Variants in PPM1B observed in about 807,000 individuals in gnomAD.
PPM1B encodes the protein protein phosphatase 1B.
PPM1B carries 22 observed loss-of-function variants against 43.0 expected under a neutral mutation model. That is an observed-to-expected ratio of 0.51 (90% CI 0.37 to 0.73). The LOEUF (loss-of-function observed/expected upper bound fraction) is 0.73, where lower values mean the gene tolerates loss of function less well. Among genes scored for constraint, PPM1B ranks in the 30% least tolerant of loss-of-function variants. The pLI is 0.00. For synonymous variants in PPM1B, 217 were observed against 197.9 expected, an observed-to-expected ratio of 1.10 and a Z score of -0.81; for missense variants, 632 against 584.2, an observed-to-expected ratio of 1.08 and a Z score of -0.84.
chr2:44,243,005 C>A (rs184672394), intron 5 of PPM1B, among the ~76,000 whole-genome samples: 1 of 152,136 alleles, frequency 6.6e-6, no homozygotes, highest in African/African-American at 2.4e-5. Flanking sequence ...TCTAGCCATA[C>A]TGAAATGACC....
At chr2:44,246,156 C>T (rs2104300517), downstream of PPM1B, among the ~76,000 whole-genome samples, 1 of 152,278 alleles carries the variant, frequency 6.6e-6, no homozygotes, top group East Asian at 1.9e-4. Flanking sequence ...TTAAAGTATG[C>T]AACCCAGAAC....
downstream of PPM1B, chr2:44,233,305 C>G: frequency 1.1e-6 from 1 of 950,618 alleles, no homozygotes; most frequent in Non-Finnish European, 1.3e-6. Flanking sequence ...TAAGGAAATA[C>G]TACAGAGATA....
intron 3 of PPM1B, among the ~76,000 whole-genome samples, chr2:44,214,759 G>A (rs758843184): frequency 6.6e-6 from 1 of 152,156 alleles, no homozygotes; most frequent in Non-Finnish European, 1.5e-5. Context: ...TTCTCATTCA[G>A]CCTGGTTTCT....
At chr2:44,225,220 A>G (rs895151843) in intron 5 of PPM1B, among the ~76,000 whole-genome samples, 14 of 152,252 alleles carry the variant, frequency 9.2e-5, no homozygotes, top group African/African-American at 3.4e-4. Context: ...TGGTAGGAGG[A>G]CATAGAATGG....
At chr2:44,190,295 T>A (rs1359793674) in intron 1 of PPM1B, among the ~76,000 whole-genome samples, 1 of 151,696 alleles carries the variant, frequency 6.6e-6, no homozygotes, top group African/African-American at 2.4e-5. Flanking sequence ...GCTGGGACTA[T>A]AGGTGCCCGC....
intron 2 of PPM1B, among the ~76,000 whole-genome samples, chr2:44,205,780 A>G (rs1669163103): frequency 1.3e-5 from 2 of 152,186 alleles, no homozygotes; most frequent in Non-Finnish European, 2.9e-5. Context: ...CCAGAAGCCT[A>G]TTTATTTTAA....
At chr2:44,244,859 A>AGT (rs59566158), downstream of PPM1B, among the ~76,000 whole-genome samples, 2,416 of 146,638 alleles carry the variant, frequency 0.016, 69 homozygotes, top group African/African-American at 0.054. Context: ...ACACATATAT[A>AGT]GTGTGTGTGT....
intron 5 of PPM1B, among the ~76,000 whole-genome samples, chr2:44,224,095 G>T (rs1490553407): frequency 6.6e-6 from 1 of 152,014 alleles, no homozygotes; most frequent in Non-Finnish European, 1.5e-5. Context: ...CAGCACGTAG[G>T]ACTTCATAAG....
Position 44,201,145 on chromosome 2 carries a change from T to G in PPM1B, c.-14-41T>G, listed in dbSNP as rs1026923212. 4.0e-6 allele frequency: 6 copies of G among 1,504,800 alleles called. No individual in the cohort carries two copies. The South Asian group carries it at 8.0e-5, about 20-fold the overall frequency. The allele number at this position is 1,504,800 out of a possible 1,614,324, so 93.2% of individuals were successfully genotyped here. On this transcript the variant is annotated intron_variant, in intron 1 of 5. Coordinates refer to ENST00000282412, the MANE Select transcript of PPM1B (RefSeq NM_002706.6). The surrounding 1 kb of genome is among the most constrained non-coding windows in gnomAD (Gnocchi z 5.4). ...GAGGGAATATTGTACATACATTTTC[T>G]GTCAAATTTAAACATTTAACACCTG... is the stretch of plus-strand genomic sequence containing the variant.
chr2:44,222,869 G>C (rs1230552411), intron 5 of PPM1B, among the ~76,000 whole-genome samples: 4 of 151,982 alleles, frequency 2.6e-5, no homozygotes, highest in Non-Finnish European at 5.9e-5. Flanking sequence ...CTCATTCTTT[G>C]TCCCAGGCTG....
At chr2:44,233,152 G>C, downstream of PPM1B, 1 of 966,184 alleles carries the variant, frequency 1.0e-6, no homozygotes, top group Non-Finnish European at 1.2e-6. Context: ...TTTACATGTG[G>C]GTTTCTATAG....
chr2:44,227,095 TC>T (rs1670253032), intron 5 of PPM1B, among the ~76,000 whole-genome samples: 1 of 152,016 alleles, frequency 6.6e-6, no homozygotes, highest in Non-Finnish European at 1.5e-5. Context: ...CACCTTAGCT[TC>T]CCAAGTAGCT....
At chr2:44,223,903 A>G (rs1181433471) in intron 5 of PPM1B, among the ~76,000 whole-genome samples, 2 of 151,702 alleles carry the variant, frequency 1.3e-5, no homozygotes, top group South Asian at 2.1e-4. Flanking sequence ...TATGATTGAC[A>G]TAACACTTAC....
intron 1 of PPM1B, among the ~76,000 whole-genome samples, chr2:44,172,217 C>T (rs1019694068): frequency 1.3e-5 from 2 of 151,738 alleles, no homozygotes; most frequent in Non-Finnish European, 2.9e-5. Flanking sequence ...TTTGTTTTTC[C>T]CTTGCTGAAT....
chr2:44,211,003 G>T (rs866854848), intron 3 of PPM1B, among the ~76,000 whole-genome samples: 3 of 152,124 alleles, frequency 2.0e-5, no homozygotes, highest in African/African-American at 7.2e-5. Context: ...GGGCGTGGTG[G>T]CAGGTGCCTG....
chr2:44,189,027 A>T (rs968065185), intron 1 of PPM1B, among the ~76,000 whole-genome samples: 4 of 151,340 alleles, frequency 2.6e-5, no homozygotes, highest in African/African-American at 9.7e-5. Context: ...CCGCCACCAC[A>T]CCTGGCTAAT....
At chr2:44,224,869 T>C (rs1054080664) in intron 5 of PPM1B, among the ~76,000 whole-genome samples, 2 of 152,208 alleles carry the variant, frequency 1.3e-5, no homozygotes, top group African/African-American at 4.8e-5. Context: ...TAAACTTCAA[T>C]ATGAAATAAC....
downstream of PPM1B, chr2:44,233,595 T>G: frequency 1.0e-6 from 1 of 985,832 alleles, no homozygotes; most frequent in Admixed American, 6.1e-5. Context: ...ATGTTTAAAT[T>G]GTGTTTCAGC....
At chr2:44,222,955 T>C (rs527927037) in intron 5 of PPM1B, among the ~76,000 whole-genome samples, 1 of 152,164 alleles carries the variant, frequency 6.6e-6, no homozygotes, top group African/African-American at 2.4e-5. Context: ...CTCAGCCTCC[T>C]GAGTAGCTGG....
Sources: gnomAD v4.1 joint callset for allele counts (sites outside exome capture counted in the v4.1 genomes callset) on GRCh38, gnomAD v4.1.1 for gene constraint, Gnocchi (gnomAD v3.1) non-coding constraint, MANE v1.5 for transcripts, NCBI Gene and HGNC (gene_info 2026-07-23, HGNC 2026-07-21) for gene names.